The following RCAN2 variants were observed in gnomAD, a reference collection of about 807,000 sequenced individuals.
The protein encoded by RCAN2 is regulator of calcineurin 2, also known as calcipressin-2.
In RCAN2, 9 loss-of-function variants were observed where a neutral mutation model predicts 23.6. That is an observed-to-expected ratio of 0.38 (90% CI 0.23 to 0.67). The LOEUF (loss-of-function observed/expected upper bound fraction) is 0.67. Ranked by LOEUF, RCAN2 falls within the 30% of genes least tolerant of loss-of-function variation. The pLI is 0.51. For synonymous variants in RCAN2, 109 were observed against 115.7 expected, an observed-to-expected ratio of 0.94 and a Z score of 0.37; for missense variants, 273 against 302.3, an observed-to-expected ratio of 0.90 and a Z score of 0.72.
chr6:46,382,932 C>T (rs1475221092), intron 2 of RCAN2, among the ~76,000 whole-genome samples: 2 of 152,150 alleles, frequency 1.3e-5, no homozygotes, highest in African/African-American at 2.4e-5. Flanking sequence ...AGACTCATTG[C>T]TCAGCATGAT....
At chr6:46,243,555 A>G (rs1352138981) in intron 4 of RCAN2, among the ~76,000 whole-genome samples, 3 of 152,118 alleles carry the variant, frequency 2.0e-5, no homozygotes, top group Non-Finnish European at 4.4e-5. Context: ...TCATGTCTGG[A>G]ATCCCAGCAC....
intron 2 of RCAN2, among the ~76,000 whole-genome samples, chr6:46,251,734 C>A (rs1272981604): frequency 6.6e-6 from 1 of 152,174 alleles, no homozygotes; most frequent in South Asian, 2.1e-4. Context: ...AGGGTGCTGA[C>A]AATGTGCTAC....
chr6:46,267,159 G>A (rs1439064257), intron 2 of RCAN2, among the ~76,000 whole-genome samples: 2 of 152,154 alleles, frequency 1.3e-5, no homozygotes, highest in African/African-American at 2.4e-5. Flanking sequence ...TGATGGTAAC[G>A]TCAAGCCTCT....
At chr6:46,369,385 C>T (rs1765265392) in intron 2 of RCAN2, among the ~76,000 whole-genome samples, 1 of 152,086 alleles carries the variant, frequency 6.6e-6, no homozygotes, top group African/African-American at 2.4e-5. Flanking sequence ...CATTTATTAG[C>T]ATTATAAAGT....
At chr6:46,242,633 G>A (rs1486925485) in intron 4 of RCAN2, among the ~76,000 whole-genome samples, 3 of 152,116 alleles carry the variant, frequency 2.0e-5, no homozygotes, top group Non-Finnish European at 2.9e-5. Context: ...CTGGAACTGA[G>A]GTAGTCATTC....
intron 2 of RCAN2, among the ~76,000 whole-genome samples, chr6:46,407,759 C>A (rs1455954802): frequency 1.3e-5 from 2 of 152,160 alleles, no homozygotes; most frequent in Non-Finnish European, 2.9e-5. Context: ...TTATATTTAA[C>A]CAAGTTTGGA....
At chr6:46,235,118 T>TA (rs1766047034) in intron 4 of RCAN2, among the ~76,000 whole-genome samples, 1 of 152,216 alleles carries the variant, frequency 6.6e-6, no homozygotes, top group Admixed American at 6.5e-5. Flanking sequence ...TCAGTATGAT[T>TA]ATGCAAAGTT....
chr6:46,293,940 T>G (rs1405504627), intron 2 of RCAN2, among the ~76,000 whole-genome samples: 1 of 151,688 alleles, frequency 6.6e-6, no homozygotes, highest in East Asian at 1.9e-4. Flanking sequence ...GAACAAATAC[T>G]TTTTTTTTGA....
At position 46,420,252 on chromosome 6, in the gene RCAN2, A is replaced by C. The variant is rs115068414; in HGVS notation, c.225+36500T>G. Among the ~76,000 whole-genome samples the C allele has an allele frequency of 8.8e-3, 1,334 of 152,262 alleles. 22 individuals carry two copies. The highest frequency in any genetic ancestry group is 0.031 in the African/African-American group (1,273 of 41,550). On this transcript the variant is annotated intron_variant, in intron 2 of 4. Transcript: ENST00000371374. ...TCATCGTATCACTAAAATCCATGCA[A>C]GACAATTAAATTGAGTCTGATTTTA...
intron 2 of RCAN2, among the ~76,000 whole-genome samples, chr6:46,430,378 A>G (rs2150416568): frequency 6.6e-6 from 1 of 152,226 alleles, no homozygotes; most frequent in Non-Finnish European, 1.5e-5. Flanking sequence ...GAAATAATGG[A>G]AGGAGACCTG....
At chr6:46,336,609 T>C (rs1764153300) in intron 2 of RCAN2, among the ~76,000 whole-genome samples, 1 of 152,098 alleles carries the variant, frequency 6.6e-6, no homozygotes, top group Non-Finnish European at 1.5e-5. Context: ...TACAATAAGA[T>C]TGGAAAGGAG....
intron 2 of RCAN2, among the ~76,000 whole-genome samples, chr6:46,292,235 A>G (rs1207983439): frequency 6.6e-6 from 1 of 152,140 alleles, no homozygotes; most frequent in Non-Finnish European, 1.5e-5. Context: ...AGCTAACTCT[A>G]CTTGAGAGAT....
intron 2 of RCAN2, among the ~76,000 whole-genome samples, chr6:46,337,975 T>C (rs1440953789): frequency 6.6e-6 from 1 of 152,086 alleles, no homozygotes; most frequent in Non-Finnish European, 1.5e-5. Context: ...TTCCCTGAAG[T>C]GTGGGCTGCA....
intron 2 of RCAN2, among the ~76,000 whole-genome samples, chr6:46,316,304 G>A (rs1270840045): frequency 1.3e-5 from 2 of 152,160 alleles, no homozygotes; most frequent in African/African-American, 4.8e-5. Context: ...AATGCATTTA[G>A]CCATCACCAC....
At chr6:46,474,978 C>T (rs912824785) in intron 1 of RCAN2, among the ~76,000 whole-genome samples, 1 of 152,156 alleles carries the variant, frequency 6.6e-6, no homozygotes, top group Non-Finnish European at 1.5e-5. Flanking sequence ...CAGGAAGTTG[C>T]TGTATGCATT....
intron 4 of RCAN2, among the ~76,000 whole-genome samples, chr6:46,231,376 A>C (rs1765881465): frequency 6.6e-6 from 1 of 151,826 alleles, no homozygotes; most frequent in African/African-American, 2.4e-5. Context: ...CGGTGAGTCT[A>C]TAAATTTTTG....
At chr6:46,334,604 T>C (rs1212253487) in intron 2 of RCAN2, among the ~76,000 whole-genome samples, 1 of 152,034 alleles carries the variant, frequency 6.6e-6, no homozygotes, top group East Asian at 1.9e-4. Context: ...ATAGGGACAA[T>C]GAAAACAGGA....
intron 2 of RCAN2, among the ~76,000 whole-genome samples, chr6:46,378,456 T>C (rs571849740): frequency 6.6e-6 from 1 of 152,332 alleles, no homozygotes; most frequent in African/African-American, 2.4e-5. Flanking sequence ...TCTTCTGGTA[T>C]AGTGATCCTG....
intron 1 of RCAN2, among the ~76,000 whole-genome samples, chr6:46,490,929 G>A (rs1769122459): frequency 6.6e-6 from 1 of 151,998 alleles, no homozygotes; most frequent in South Asian, 2.1e-4. Context: ...GGGGGGTCGC[G>A]GGAGATCTCC....
Sources: allele counts gnomAD v4.1 joint callset (sites outside exome capture counted in the v4.1 genomes callset), GRCh38; gene constraint gnomAD v4.1.1; transcripts MANE v1.5; gene names NCBI Gene and HGNC (gene_info 2026-07-23, HGNC 2026-07-21).